Variants in NR6A1 observed in about 807,000 individuals in gnomAD.
The protein encoded by NR6A1 is retinoic acid receptor-related testis-associated receptor.
Under a neutral mutation model 59.1 loss-of-function variants are expected in NR6A1, and 7 were observed. The ratio of observed to expected loss-of-function variants is 0.12; its 90% CI spans 0.07 to 0.22. The LOEUF (loss-of-function observed/expected upper bound fraction) is 0.22. NR6A1 is among the 10% of genes least tolerant of loss of function. The pLI is 1.00. For missense variants in NR6A1, 468 were observed against 611.6 expected (o/e 0.77, Z 2.48); for synonymous variants, 243 against 236.1 (o/e 1.03, Z -0.27).
intron 4 of NR6A1, among the ~76,000 whole-genome samples, chr9:124,541,540 G>T (rs1245998372): frequency 6.6e-6 from 1 of 152,190 alleles, no homozygotes; most frequent in Non-Finnish European, 1.5e-5. Context: ...ACAAGTGCTG[G>T]TAAGGATGTG....
At chr9:124,728,068 C>G (rs1194184201) in intron 2 of NR6A1, among the ~76,000 whole-genome samples, 2 of 151,428 alleles carry the variant, frequency 1.3e-5, no homozygotes, top group Admixed American at 1.3e-4. Flanking sequence ...ACTCTGTCAC[C>G]CAGGCTGGAG....
chr9:124,611,935 T>C (rs748054185), intron 2 of NR6A1, among the ~76,000 whole-genome samples: 2 of 152,102 alleles, frequency 1.3e-5, no homozygotes, highest in Non-Finnish European at 2.9e-5. Flanking sequence ...TAAGGGATAA[T>C]GATATCTATC....
chr9:124,745,811 C>T (rs1271195303), intron 1 of NR6A1, among the ~76,000 whole-genome samples: 2 of 150,932 alleles, frequency 1.3e-5, no homozygotes, highest in African/African-American at 4.9e-5. Flanking sequence ...GAAACTCCAT[C>T]TCTACTAAAA....
intron 2 of NR6A1, among the ~76,000 whole-genome samples, chr9:124,578,553 G>C (rs1588681551): frequency 6.6e-6 from 1 of 152,192 alleles, no homozygotes; most frequent in Middle Eastern, 3.4e-3. Context: ...CTCCAAAACA[G>C]ATCTAAAATC....
At position 124,627,882 on chromosome 9, in the gene NR6A1, CTTTTTTTTTT is replaced by C. The variant is rs59874800; in HGVS notation, c.143-73322_143-73313del. 9.4e-3 allele frequency among the ~76,000 whole-genome samples: 790 copies of C among 83,796 alleles called. 8 individuals carry two copies. The highest frequency in any genetic ancestry group is 0.032 in the Middle Eastern group (3 of 94). 55.0% of individuals were successfully genotyped at this position (83,796 alleles called of 152,430 possible). A position where few individuals can be genotyped will look rare whatever the true frequency, so the allele number is the denominator to read the frequency against. On this transcript the variant is annotated intron_variant, in intron 2 of 9. Coordinates refer to ENST00000487099, the MANE Select transcript of NR6A1 (RefSeq NM_033334.4). ...GCCACCATGCCTGGTCTGAGATTTT[CTTTTTTTTTT>C]TTTTTTTTTTTTTTTTTTCAAAACA...
At chr9:124,589,088 TAA>T (rs888100807) in intron 2 of NR6A1, among the ~76,000 whole-genome samples, 7 of 152,108 alleles carry the variant, frequency 4.6e-5, no homozygotes, top group African/African-American at 1.7e-4. Context: ...CCCAGTCGAA[TAA>T]AAGAGTCGAG....
intron 2 of NR6A1, among the ~76,000 whole-genome samples, chr9:124,626,060 G>A (rs1240548218): frequency 6.6e-6 from 1 of 152,236 alleles, no homozygotes; most frequent in African/African-American, 2.4e-5. Context: ...AGGCTGGAGT[G>A]CAGTGGTACG....
chr9:124,583,457 C>G (rs899731722), intron 2 of NR6A1, among the ~76,000 whole-genome samples: 1 of 152,192 alleles, frequency 6.6e-6, no homozygotes. Flanking sequence ...ATCTAGGCCT[C>G]TAGTTCTGAG....
intron 2 of NR6A1, among the ~76,000 whole-genome samples, chr9:124,640,648 T>G (rs1488916792): frequency 6.6e-6 from 1 of 152,016 alleles, no homozygotes; most frequent in Admixed American, 6.6e-5. Context: ...AATCCTGCTT[T>G]GGCCTCCCAA....
chr9:124,608,066 A>C lies in NR6A1; in HGVS notation c.143-53496T>G, dbSNP rs148774367. ...CAGCCTAGGAGACAGTCTCAAAAAA[A>C]TAAATAAAAAAAATAATTTCGTGCT... On this transcript the variant is annotated intron_variant, in intron 2 of 9. Coordinates refer to ENST00000487099, the MANE Select transcript of NR6A1 (RefSeq NM_033334.4). 4.6e-3 allele frequency among the ~76,000 whole-genome samples: 704 copies of C among 152,306 alleles called. 6 individuals carry two copies. The highest frequency in any genetic ancestry group is 0.016 in the African/African-American group (658 of 41,568).
At chr9:124,726,610 T>C (rs919287423) in intron 2 of NR6A1, among the ~76,000 whole-genome samples, 1 of 152,200 alleles carries the variant, frequency 6.6e-6, no homozygotes, top group African/African-American at 2.4e-5. Flanking sequence ...GTAAGGAGTG[T>C]TTGAGTTGAA....
At chr9:124,641,210 T>C (rs1246073942) in intron 2 of NR6A1, among the ~76,000 whole-genome samples, 4 of 151,364 alleles carry the variant, frequency 2.6e-5, no homozygotes. Flanking sequence ...AATAAAAAAA[T>C]TAGCTGAGCA....
chr9:124,758,569 C>T (rs896156164), intron 1 of NR6A1, among the ~76,000 whole-genome samples: 3 of 152,112 alleles, frequency 2.0e-5, no homozygotes, highest in African/African-American at 7.2e-5. Flanking sequence ...AAAAAGTGAT[C>T]TTGTTTAAAC....
intron 2 of NR6A1, among the ~76,000 whole-genome samples, chr9:124,656,698 G>A (rs1299021084): frequency 1.3e-5 from 2 of 152,110 alleles, no homozygotes; most frequent in Non-Finnish European, 2.9e-5. Context: ...CAGGCGTGGT[G>A]GTGGGCACCT....
intron 2 of NR6A1, among the ~76,000 whole-genome samples, chr9:124,590,479 C>T (rs1001219120): frequency 2.0e-5 from 3 of 152,176 alleles, no homozygotes; most frequent in African/African-American, 7.2e-5. Flanking sequence ...GAATATTCAA[C>T]ATCTGTTAAG....
At chr9:124,547,437 G>A (rs1042961376) in intron 3 of NR6A1, among the ~76,000 whole-genome samples, 1 of 152,106 alleles carries the variant, frequency 6.6e-6, no homozygotes, top group African/African-American at 2.4e-5. Flanking sequence ...TACCCTACAT[G>A]TAGATAACTA....
intron 2 of NR6A1, among the ~76,000 whole-genome samples, chr9:124,582,708 G>A (rs1564189286): frequency 6.6e-6 from 1 of 152,132 alleles, no homozygotes. Context: ...CCAATACAGT[G>A]AGACCTCATC....
rs539778054 is a variant in NR6A1 at position 124,744,564 on chromosome 9, C to T, written c.101-11215G>A. 5.9e-4 allele frequency among the ~76,000 whole-genome samples: 90 copies of T among 152,326 alleles called. 1 individual carries two copies. In the South Asian group the frequency reaches 0.018, roughly 31 times the overall value. ...AACAGCCGGATGGATGGGAACTTAG[C>T]ATAATCTCAAAGAGCAACCCTGATG... is the stretch of plus-strand genomic sequence containing the variant. On this transcript the variant is annotated intron_variant, in intron 1 of 9. Coordinates refer to ENST00000487099, the MANE Select transcript of NR6A1 (RefSeq NM_033334.4).
At chr9:124,532,597 A>C (rs541307983) in intron 7 of NR6A1, among the ~76,000 whole-genome samples, 1 of 152,332 alleles carries the variant, frequency 6.6e-6, no homozygotes, top group Admixed American at 6.5e-5. Flanking sequence ...TGGAATCAGA[A>C]CTAACATGTT....
Sources: gnomAD v4.1 joint callset for allele counts (sites outside exome capture counted in the v4.1 genomes callset) on GRCh38, gnomAD v4.1.1 for gene constraint, MANE v1.5 for transcripts, NCBI Gene and HGNC (gene_info 2026-07-23, HGNC 2026-07-21) for gene names.